Variants in KRR1 observed in about 807,000 individuals in gnomAD.
The protein encoded by KRR1 is KRR1 small subunit processome component.
Under a neutral mutation model 50.0 loss-of-function variants are expected in KRR1, and 23 were observed. That is an observed-to-expected ratio of 0.46 (90% confidence interval 0.33 to 0.65). The LOEUF (loss-of-function observed/expected upper bound fraction) is 0.65, where lower values mean the gene tolerates loss of function less well. Ranked by LOEUF, KRR1 falls within the 30% of genes least tolerant of loss-of-function variation. KRR1 has a pLI of 0.02. For synonymous variants in KRR1, 133 were observed against 146.3 expected, an observed-to-expected ratio of 0.91 and a Z score of 0.66; for missense variants, 419 against 442.4, an observed-to-expected ratio of 0.95 and a Z score of 0.47.
intron 9 of KRR1, chr12:75,500,195 A>AAAATGGCAT: frequency 3.9e-6 from 1 of 259,332 alleles, no homozygotes; most frequent in Non-Finnish European, 7.2e-6. Flanking sequence ...AGTATACATA[A>AAAATGGCAT]AAATGGCATA....
intron 9 of KRR1, chr12:75,501,455 G>T (rs2046393219): frequency 5.9e-6 from 2 of 338,690 alleles, no homozygotes; most frequent in South Asian, 5.5e-5. Context: ...GCTGCCCTGG[G>T]TTTGTATCTT....
intron 2 of KRR1, among the ~76,000 whole-genome samples, chr12:75,507,171 T>C (rs942534013): frequency 6.6e-6 from 1 of 152,120 alleles, no homozygotes; most frequent in African/African-American, 2.4e-5. Flanking sequence ...GGAATATAGA[T>C]TGCCTCTAAT....
intron 5 of KRR1, chr12:75,506,113 T>C (rs1409235111): frequency 7.0e-6 from 3 of 429,750 alleles, no homozygotes; most frequent in South Asian, 6.3e-5. Flanking sequence ...GATGTCTCCA[T>C]AGTTGCCAAG....
rs917065860 is a variant in KRR1, at chr12:75,495,598, A to G, written c.*4211T>C. 3.7e-6 allele frequency: 6 copies of G among 1,608,680 alleles called. No homozygotes were observed. Among genetic ancestry groups the G allele is most frequent in the Non-Finnish European group, 5.1e-6 (6 of 1,175,242 alleles). ...ACAGAGGGAATTACCCAACTTGGCC[A>G]TATAAGAGAGGAGCCACCTGCAGTG... On this transcript the variant is annotated 3_prime_UTR_variant, in exon 10 of 10. Transcript: ENST00000229214.
In KRR1 at chr12:75,499,845, C is replaced by CA; in HGVS notation, c.1109dup (p.Met370IlefsTer5). The CA allele has an allele frequency of 6.2e-7, 1 of 1,606,516 alleles. No homozygotes were observed. The highest frequency in any genetic ancestry group is 8.5e-7 in the Non-Finnish European group (1 of 1,177,036). Reference sequence around the variant, plus strand: ...TCTTCTTTTTCTTTTCATCTGCCTCCATCTTAAGTGCAATTTCTTCAGCTG... The same window carrying CA: ...TCTTCTTTTTCTTTTCATCTGCCTCCAATCTTAAGTGCAATTTCTTCAGCTG... On this transcript the variant is annotated frameshift_variant, in exon 10 of 10. Transcript: ENST00000229214. LOFTEE classifies it high-confidence loss of function.
chr12:75,503,748 CTATTTA>C (rs1200346806), intron 7 of KRR1, 150 bp downstream of exon 7: 30 of 607,208 alleles, frequency 4.9e-5, no homozygotes, highest in African/African-American at 9.4e-5. Flanking sequence ...CAAAATATGC[CTATTTA>C]TATTTACCCT....
chr12:75,505,328 A>C, intron 5 of KRR1, 74 bp from the exon 6 acceptor site: 2 of 1,393,292 alleles, frequency 1.4e-6, no homozygotes, highest in Non-Finnish European at 1.9e-6. Context: ...TAATACTGCA[A>C]AAATCAGGTA....
In KRR1 at chr12:75,498,571, A is replaced by C. The variant is rs2046366310; in HGVS notation, c.*1238T>G. The C allele has an allele frequency of 2.9e-6, 2 of 701,478 alleles. No individual in the cohort carries two copies. Among genetic ancestry groups the C allele is most frequent in the Non-Finnish European group, 4.9e-6 (2 of 411,206 alleles). The allele number at this position is 701,478 out of a possible 1,614,324, so 43.5% of individuals were successfully genotyped here. On this transcript the variant is annotated 3_prime_UTR_variant, in exon 10 of 10. Transcript: ENST00000229214. Reference sequence around the variant, plus strand: ...AAGTTTTGAATAATTAAACTTGGAAAGTCACTGCAATAAAGCCAAAGCAAG... The same window carrying C: ...AAGTTTTGAATAATTAAACTTGGAACGTCACTGCAATAAAGCCAAAGCAAG...
rs2046339699 is a variant in KRR1 at position 75,494,581 on chromosome 12, T to A, written c.*5228A>T. 6.6e-6 allele frequency: 1 copy of A among 152,242 alleles called. No individual in the cohort carries two copies. The highest frequency in any genetic ancestry group is 1.5e-5 in the Non-Finnish European group (1 of 68,040). The allele number at this position is 152,242 out of a possible 1,614,324, so 9.4% of individuals were successfully genotyped here. A position where few individuals can be genotyped will look rare whatever the true frequency, so the allele number is the denominator to read the frequency against. ...CTATTTCAATTTAATTGGTTTCCTT[T>A]ATAATCCTATGTATTTTATGCATTT... On this transcript the variant is annotated 3_prime_UTR_variant, in exon 10 of 10. Transcript: ENST00000229214.
rs559400663 is a variant in KRR1, at chr12:75,493,046, T to C, written c.*6763A>G. The C allele has an allele frequency of 1.1e-4, 17 of 152,288 alleles. No individual in the cohort carries two copies. The highest frequency in any genetic ancestry group is 4.1e-4 in the African/African-American group (17 of 41,562). 9.4% of individuals were successfully genotyped at this position (152,288 alleles called of 1,614,324 possible). On this transcript the variant is annotated 3_prime_UTR_variant, in exon 10 of 10. Coordinates refer to ENST00000229214, the MANE Select transcript of KRR1 (RefSeq NM_007043.7). ...CAGCAAAACTTCCGTGAAGAAAAGT[T>C]TGGCAAGTTTAAACCACAGAGACTG...
chr12:75,502,199 A>C, intron 7 of KRR1, 199 bp from the exon 8 acceptor site: 1 of 539,314 alleles, frequency 1.9e-6, no homozygotes, highest in South Asian at 2.4e-5. Flanking sequence ...AAGCACCTCC[A>C]TGGAATACAA....
Position 75,498,405 on chromosome 12 carries a change from T to C in KRR1, c.*1404A>G, listed in dbSNP as rs146930608. On this transcript the variant is annotated 3_prime_UTR_variant, in exon 10 of 10. Transcript: ENST00000229214. ...ATTCTAATATTTAATTTTTATTTTT[T>C]AAATTTTATTACCTGCTAGGTATGA... 190 of 237,586 alleles carry C rather than the reference T, an allele frequency of 8.0e-4. No homozygotes were observed. The highest frequency in any genetic ancestry group is 2.7e-3 in the Admixed American group (50 of 18,742). 14.7% of individuals were successfully genotyped at this position (237,586 alleles called of 1,614,324 possible).
In KRR1 at chr12:75,498,943, C is replaced by T. The variant is rs1406831512; in HGVS notation, c.*866G>A. The stretch of plus-strand genomic sequence containing the variant: ...GTCTGTTATAATTACCATTTTGGTA[C>T]AGCACAAGTACCCTAATTTAGTTCT... On this transcript the variant is annotated 3_prime_UTR_variant, in exon 10 of 10. Coordinates refer to ENST00000229214, the MANE Select transcript of KRR1 (RefSeq NM_007043.7). 3.1e-6 allele frequency: 5 copies of T among 1,608,378 alleles called. No individual in the cohort carries two copies. Among genetic ancestry groups the T allele is most frequent in the Admixed American group, 1.7e-5 (1 of 59,516 alleles).
intron 9 of KRR1, 45 bp from the exon 10 acceptor site, chr12:75,499,996 C>A: frequency 1.4e-6 from 2 of 1,445,488 alleles, no homozygotes; most frequent in South Asian, 1.3e-5. Context: ...TTAGATTTTA[C>A]CAAGTAAAAC....
At position 75,495,418 on chromosome 12, in the gene KRR1, C is replaced by T. The variant is rs1003275616; in HGVS notation, c.*4391G>A. ...GAATGAACTATGCAAATATTAGCAG[C>T]CTTCCATTTCTGCCTTCCTGTCTTC... On this transcript the variant is annotated 3_prime_UTR_variant, in exon 10 of 10. Transcript: ENST00000229214. 19 of 569,724 alleles carry T rather than the reference C, an allele frequency of 3.3e-5. No homozygotes were observed. The highest frequency in any genetic ancestry group is 3.2e-6 in the Non-Finnish European group (1 of 310,788). 35.3% of individuals were successfully genotyped at this position (569,724 alleles called of 1,614,324 possible).
rs12819511 is a variant in KRR1, at chr12:75,495,821, T to C, written c.*3988A>G. 0.26 allele frequency: 117,887 copies of C among 458,146 alleles called. 16,257 individuals carry two copies. Among genetic ancestry groups the C allele is most frequent in the South Asian group, 0.34 (6,832 of 19,930 alleles). 28.4% of individuals were successfully genotyped at this position (458,146 alleles called of 1,614,324 possible). Reference sequence around the variant, plus strand: ...AATGGCTTACTGTTCTAGGAATACATTTAAGAGAAATTTAAATGTGAAAAT... The same window carrying C: ...AATGGCTTACTGTTCTAGGAATACACTTAAGAGAAATTTAAATGTGAAAAT... On this transcript the variant is annotated 3_prime_UTR_variant, in exon 10 of 10. Transcript: ENST00000229214.
rs1230433063 is a variant in KRR1 at position 75,495,608 on chromosome 12, G to T, written c.*4201C>A. On this transcript the variant is annotated 3_prime_UTR_variant, in exon 10 of 10. Coordinates refer to ENST00000229214, the MANE Select transcript of KRR1 (RefSeq NM_007043.7). ...TTACCCAACTTGGCCATATAAGAGA[G>T]GAGCCACCTGCAGTGCCTGCCCCAA... 8 of 1,610,660 alleles carry T rather than the reference G, an allele frequency of 5.0e-6. No individual in the cohort carries two copies. In the Admixed American group the frequency reaches 1.0e-4, roughly 20 times the overall value.
chr12:75,501,563 A>C (rs978599230), intron 9 of KRR1, 160 bp downstream of exon 9: 6 of 589,258 alleles, frequency 1.0e-5, no homozygotes, highest in African/African-American at 7.5e-5. Context: ...TCTAAATTAT[A>C]AATTATCTCA....
At position 75,496,439 on chromosome 12, in the gene KRR1, G is replaced by A. The variant is rs2046352139; in HGVS notation, c.*3370C>T. The A allele has an allele frequency of 6.6e-6, 1 of 152,158 alleles. No individual in the cohort carries two copies. The highest frequency in any genetic ancestry group is 3.2e-3 in the Middle Eastern group (1 of 316). 9.4% of individuals were successfully genotyped at this position (152,158 alleles called of 1,614,324 possible). On this transcript the variant is annotated 3_prime_UTR_variant, in exon 10 of 10. Transcript: ENST00000229214. ...TAATGAAGAAGTGTAGAAGCTGCAAGCAGTTAAATTTCCAAGGATGTTTTA... is the reference window on the plus strand; with the variant it reads ...TAATGAAGAAGTGTAGAAGCTGCAAACAGTTAAATTTCCAAGGATGTTTTA...
Sources: gnomAD v4.1 joint callset for allele counts (sites outside exome capture counted in the v4.1 genomes callset) on GRCh38, gnomAD v4.1.1 for gene constraint, MANE v1.5 for transcripts, NCBI Gene and HGNC (gene_info 2026-07-23, HGNC 2026-07-21) for gene names.